Variants in MMEL1 observed in about 807,000 individuals in gnomAD.
The protein encoded by MMEL1 is membrane metallo-endopeptidase-like 1.
In MMEL1, 98 loss-of-function variants were observed where a neutral mutation model predicts 117.1. That is an observed-to-expected ratio of 0.84 (90% CI 0.71 to 0.99). The LOEUF is 0.99. MMEL1 is among the 50% of genes least tolerant of loss of function. The pLI, the probability that MMEL1 is intolerant of heterozygous loss-of-function variation, is 0.00. For missense variants in MMEL1, 1,014 were observed against 1,049.1 expected (o/e 0.97, Z 0.46); for synonymous variants, 390 against 415.1 (o/e 0.94, Z 0.74).
At position 2,594,425 on chromosome 1, in the gene MMEL1, C is replaced by T. The variant is rs566528467; in HGVS notation, c.1707G>A (p.Ala569=). 8.7e-5 allele frequency: 135 copies of T among 1,551,592 alleles called. No homozygotes were observed. In the South Asian group the frequency reaches 1.2e-3, roughly 14 times the overall value. The stretch of plus-strand genomic sequence containing the variant: ...TTGGGGAGTAGAACGCATTGACCAC[C>T]GCCGCCCCGATGATCCAGCTGTGAT... ...VDPNLWIIGA[A]VVNAFYSPNR... is the part of the protein sequence containing the mutation. The change falls in exon 18 of 24, where the codon GCG becomes GCA. Residue 569 remains alanine (A), a synonymous_variant. Coordinates refer to ENST00000378412, the MANE Select transcript of MMEL1 (RefSeq NM_033467.4).
At position 2,598,101 on chromosome 1, in the gene MMEL1, G is replaced by A. The variant is rs985261843; in HGVS notation, c.1272+106C>T. On this transcript the variant is annotated intron_variant, in intron 13 of 23. Transcript: ENST00000378412. Reference sequence around the variant, plus strand: ...GGCGCCTCGCCCTGCCTCGTCCATGGCTGTGACCCTGGTGTGGACCTCGGT... The same window carrying A: ...GGCGCCTCGCCCTGCCTCGTCCATGACTGTGACCCTGGTGTGGACCTCGGT... The A allele has an allele frequency of 1.5e-5, 16 of 1,083,130 alleles. No individual in the cohort carries two copies. In the East Asian group the frequency reaches 1.7e-4, roughly 11 times the overall value. 67.1% of individuals were successfully genotyped at this position (1,083,130 alleles called of 1,614,324 possible). A position where few individuals can be genotyped will look rare whatever the true frequency, so the allele number is the denominator to read the frequency against.
rs1163515828 is a variant in MMEL1 at position 2,603,931 on chromosome 1, A to G, written c.994T>C (p.Tyr332His). Residue 332 changes from tyrosine to histidine, a missense_variant, in exon 11 of 24, where the codon TAC (tyrosine) becomes CAC (histidine). By Grantham distance (83) the Tyr-to-His change is moderately conservative. Coordinates refer to ENST00000378412, the MANE Select transcript of MMEL1 (RefSeq NM_033467.4). Reference sequence around the variant, plus strand: ...AGCTCCTCCAGTCCCATCCGGTGGTACAAGGCGATGACGTCGTGTCTCTCC... The same window carrying G: ...AGCTCCTCCAGTCCCATCCGGTGGTGCAAGGCGATGACGTCGTGTCTCTCC... ...QEERHDVIAL[Y>H]HRMGLEELQS... The G allele has an allele frequency of 6.2e-7, 1 of 1,613,852 alleles. No individual in the cohort carries two copies. The highest frequency in any genetic ancestry group is 1.1e-5 in the South Asian group (1 of 91,084).
chr1:2,630,678 CGT>C (rs1328914709), intron 1 of MMEL1, among the ~76,000 whole-genome samples: 9 of 146,456 alleles, frequency 6.1e-5, no homozygotes, highest in Non-Finnish European at 1.0e-4. Context: ...CGGATATGCA[CGT>C]GTGTGCGTGT....
At chr1:2,626,124 A>G (rs1161498616) in intron 2 of MMEL1, among the ~76,000 whole-genome samples, 3 of 152,202 alleles carry the variant, frequency 2.0e-5, no homozygotes, top group Admixed American at 2.0e-4. Context: ...TTGGAAGGAG[A>G]AGAGGCCAGA....
chr1:2,620,347 G>A (rs1319928210), intron 2 of MMEL1, among the ~76,000 whole-genome samples: 2 of 152,136 alleles, frequency 1.3e-5, no homozygotes, highest in Admixed American at 6.5e-5. Context: ...ACTGAAGGAC[G>A]AGCGCTAAAT....
chr1:2,593,935 T>C lies in MMEL1; in HGVS notation c.1748-2A>G. The C allele has an allele frequency of 6.2e-7, 1 of 1,601,422 alleles. No individual in the cohort carries two copies. Among genetic ancestry groups the C allele is most frequent in the Non-Finnish European group, 8.5e-7 (1 of 1,173,740 alleles). ...GCTGGAGGATCCCGGCAGGGAATAC[T>C]GTCCCCAAGGGCGGGACAAAGAATA... On this transcript the variant is annotated splice_acceptor_variant, in intron 18 of 23. Transcript: ENST00000378412. LOFTEE classifies it high-confidence loss of function.
chr1:2,611,142 C>CCGAGT (rs1173146033), intron 4 of MMEL1, 139 bp downstream of exon 4: 1 of 812,280 alleles, frequency 1.2e-6, no homozygotes, highest in East Asian at 3.1e-5. Flanking sequence ...CACAGCGAGT[C>CCGAGT]CGAGTCCGGC....
intron 11 of MMEL1, among the ~76,000 whole-genome samples, chr1:2,602,166 G>A (rs72644697): frequency 3.2e-3 from 471 of 147,022 alleles, no homozygotes; most frequent in South Asian, 8.4e-3. Flanking sequence ...TCAGGGACCG[G>A]CCTCCCTCCA....
At chr1:2,619,597 G>T (rs187661308) in intron 2 of MMEL1, among the ~76,000 whole-genome samples, 207 of 149,386 alleles carry the variant, frequency 1.4e-3, no homozygotes, top group Non-Finnish European at 1.2e-3. Flanking sequence ...GGCAGAGGTT[G>T]CATGGATCCA....
At chr1:2,591,819 C>A (rs985480983) in intron 22 of MMEL1, 113 bp downstream of exon 22, 7 of 1,195,086 alleles carry the variant, frequency 5.9e-6, no homozygotes, top group Non-Finnish European at 8.6e-6. Flanking sequence ...TCATGCTTTT[C>A]CCCCAAGGGG....
intron 4 of MMEL1, among the ~76,000 whole-genome samples, chr1:2,610,486 G>A (rs1398233553): frequency 1.3e-5 from 2 of 152,200 alleles, no homozygotes; most frequent in African/African-American, 4.8e-5. Flanking sequence ...TGGTGACCAT[G>A]CCCTGTAAGC....
In MMEL1 at chr1:2,609,518, C is replaced by G; in HGVS notation, c.455-99G>C. On this transcript the variant is annotated intron_variant, in intron 5 of 23. Coordinates refer to ENST00000378412, the MANE Select transcript of MMEL1 (RefSeq NM_033467.4). Reference sequence around the variant, plus strand: ...CTGAAGTGCTCGGCGAGAGGCGGCCCCCCAGCTGCTGGGTCTTTATTCCCT... The same window carrying G: ...CTGAAGTGCTCGGCGAGAGGCGGCCGCCCAGCTGCTGGGTCTTTATTCCCT... 3 of 1,512,690 alleles carry G rather than the reference C, an allele frequency of 2.0e-6. No homozygotes were observed. In the South Asian group the frequency reaches 3.5e-5, roughly 18 times the overall value. 93.7% of individuals were successfully genotyped at this position (1,512,690 alleles called of 1,614,324 possible). A position where few individuals can be genotyped will look rare whatever the true frequency, so the allele number is the denominator to read the frequency against.
Position 2,629,379 on chromosome 1 carries a change from C to G in MMEL1, c.106G>C (p.Val36Leu). 1 of 1,536,246 alleles carries G rather than the reference C, an allele frequency of 6.5e-7. No individual in the cohort carries two copies. Among genetic ancestry groups the G allele is most frequent in the South Asian group, 1.2e-5 (1 of 82,994 alleles). ...CCCAAGGCCACCAGGGCAGCGGTCACCAGCAGCAGCAGCAGCAGCAGCCCC... is the reference window on the plus strand; with the variant it reads ...CCCAAGGCCACCAGGGCAGCGGTCAGCAGCAGCAGCAGCAGCAGCAGCCCC... The part of the protein sequence containing the change: ...EGGLLLLLLL[V>L]TAALVALGVL... The change falls in exon 2 of 24, where the codon GTG becomes CTG. Residue 36 changes from valine to leucine, a missense_variant. By Grantham distance (32) the Val-to-Leu change is conservative. Coordinates refer to ENST00000378412, the MANE Select transcript of MMEL1 (RefSeq NM_033467.4).
chr1:2,623,478 C>T (rs917731992), intron 2 of MMEL1, among the ~76,000 whole-genome samples: 4 of 152,152 alleles, frequency 2.6e-5, no homozygotes, highest in South Asian at 2.1e-4. Context: ...AAACAATTTC[C>T]GAGTGATAAG....
At chr1:2,628,404 G>T (rs1638371927) in intron 2 of MMEL1, among the ~76,000 whole-genome samples, 1 of 152,250 alleles carries the variant, frequency 6.6e-6, no homozygotes, top group South Asian at 2.1e-4. Flanking sequence ...AGACATGAGG[G>T]GGCATTCTAG....
At position 2,592,025 on chromosome 1, in the gene MMEL1, G is replaced by A. The variant is rs769014482; in HGVS notation, c.2070C>T (p.Ala690=). Residue 690 remains alanine, a splice_region_variant and synonymous_variant, in exon 22 of 24, where the codon GCC becomes GCT. Coordinates refer to ENST00000378412, the MANE Select transcript of MMEL1 (RefSeq NM_033467.4). ...CACCCTCTGCCATCCACTTGAGGTA[G>A]GCCTGCAGGCACCAGACAGGAGCTG... The part of the protein sequence containing the change: ...DNGGVRQAYK[A]YLKWMAEGGK... 2.0e-5 allele frequency: 32 copies of A among 1,612,840 alleles called. No homozygotes were observed. The highest frequency in any genetic ancestry group is 2.7e-5 in the Non-Finnish European group (32 of 1,179,528).
At chr1:2,607,835 G>C (rs1436756208) in intron 6 of MMEL1, among the ~76,000 whole-genome samples, 1 of 152,070 alleles carries the variant, frequency 6.6e-6, no homozygotes, top group Non-Finnish European at 1.5e-5. Flanking sequence ...TCCTATGCTG[G>C]AGGAAGGGAC....
At chr1:2,604,016 C>T in intron 10 of MMEL1, 43 bp from the exon 11 acceptor site, 1 of 1,604,070 alleles carries the variant, frequency 6.2e-7, no homozygotes. Flanking sequence ...GGCCAGGATG[C>T]CCCCTGGGGC....
chr1:2,609,563 CCAAGGAGGAAG>C, intron 5 of MMEL1, 96 bp downstream of exon 5: 2 of 1,535,880 alleles, frequency 1.3e-6, no homozygotes, highest in Non-Finnish European at 8.9e-7. Context: ...GCCCACTGGA[CCAAGGAGGAAG>C]CACAAACAGG....
Sources: allele counts gnomAD v4.1 joint callset (sites outside exome capture counted in the v4.1 genomes callset), GRCh38; gene constraint gnomAD v4.1.1; transcripts MANE v1.5; gene names NCBI Gene and HGNC (gene_info 2026-07-23, HGNC 2026-07-21).